ST6GAL1: variants seen among roughly 807,000 people sequenced by gnomAD.
ST6GAL1 encodes the protein beta-galactoside alpha-2,6-sialyltransferase 1.
Under a neutral mutation model 38.0 loss-of-function variants are expected in ST6GAL1, and 20 were observed. The observed-to-expected ratio is 0.53, with a 90% CI of 0.37 to 0.77. ST6GAL1 has a LOEUF of 0.77. Among genes scored for constraint, ST6GAL1 ranks in the 30% least tolerant of loss-of-function variants. The probability of loss-of-function intolerance (pLI) is 0.00; values close to 1 mark genes in which losing one functional copy is unlikely to be tolerated. For missense variants in ST6GAL1, 432 were observed against 496.4 expected, an observed-to-expected ratio of 0.87 and a Z score of 1.23; for synonymous variants, 196 against 188.2, an observed-to-expected ratio of 1.04 and a Z score of -0.34.
At position 186,973,331 on chromosome 3, in the gene ST6GAL1, C is replaced by T. The variant is rs1045338939; in HGVS notation, c.-183+9405C>T. 1.1e-3 allele frequency among the ~76,000 whole-genome samples: 174 copies of T among 152,216 alleles called. 2 individuals are homozygous for T. The highest frequency in any genetic ancestry group is 3.5e-3 in the African/African-American group (146 of 41,456). On this transcript the variant is annotated intron_variant, in intron 2 of 7. Coordinates refer to ENST00000169298, the MANE Select transcript of ST6GAL1 (RefSeq NM_173216.2). ...GATTACAGGCGTGAGCCACTGCGCC[C>T]GGCCCTCTTCTGTTTTCTGAGTCTC... is the stretch of plus-strand genomic sequence containing the variant.
Position 187,078,366 on chromosome 3 carries a change from G to A in ST6GAL1, c.*2563G>A, listed in dbSNP as rs1579393030. 1 of 152,082 alleles carries A rather than the reference G, an allele frequency of 6.6e-6. No homozygotes were observed. The allele number at this position is 152,082 out of a possible 1,614,324, so 9.4% of individuals were successfully genotyped here. A position where few individuals can be genotyped will look rare whatever the true frequency, so the allele number is the denominator to read the frequency against. On this transcript the variant is annotated 3_prime_UTR_variant, in exon 8 of 8. Transcript: ENST00000169298. The stretch of plus-strand genomic sequence containing the variant: ...AGTTAATGCTGCCTGTGTCTATGGG[G>A]TTCTGTCTTCTTTGATAGCCATCTA...
intron 4 of ST6GAL1, among the ~76,000 whole-genome samples, chr3:187,044,219 T>C (rs1401222249): frequency 6.6e-6 from 1 of 152,234 alleles, no homozygotes. Flanking sequence ...CAGAGAGCCT[T>C]ATTTCTCTTA....
chr3:186,947,913 T>C (rs1477654907), intron 1 of ST6GAL1, among the ~76,000 whole-genome samples: 1 of 152,190 alleles, frequency 6.6e-6, no homozygotes, highest in African/African-American at 2.4e-5. Context: ...TCTGTGAAAA[T>C]GTTCACAGTC....
Position 186,954,520 on chromosome 3 carries a change from T to G in ST6GAL1, c.-324-9265T>G, listed in dbSNP as rs141383286. ...TGTTTCACGGCTTTACTAATTGCCA[T>G]TCTGACTGGCATGAGATAGTATCTT... On this transcript the variant is annotated intron_variant, in intron 1 of 7. Transcript: ENST00000169298. Among the ~76,000 whole-genome samples the G allele has an allele frequency of 1.0e-3, 159 of 152,342 alleles. 3 individuals carry two copies. Among genetic ancestry groups the G allele is most frequent in the Non-Finnish European group, 1.2e-3 (85 of 68,024 alleles).
At chr3:186,979,288 G>A (rs78385733) in intron 2 of ST6GAL1, among the ~76,000 whole-genome samples, 278 of 152,248 alleles carry the variant, frequency 1.8e-3, no homozygotes, top group African/African-American at 6.0e-3. Context: ...GTTGACCAGT[G>A]AGCTATGCAC....
intron 5 of ST6GAL1, among the ~76,000 whole-genome samples, chr3:187,063,283 G>T (rs1001451844): frequency 5.3e-5 from 8 of 152,198 alleles, no homozygotes; most frequent in African/African-American, 1.9e-4. Context: ...GAAGGTGCGA[G>T]TGGTGTAGCT....
At chr3:186,979,943 G>C (rs1338328126) in intron 2 of ST6GAL1, among the ~76,000 whole-genome samples, 1 of 152,188 alleles carries the variant, frequency 6.6e-6, no homozygotes, top group African/African-American at 2.4e-5. Context: ...CTATGTGCCA[G>C]GCATTATGCT....
In ST6GAL1 at chr3:186,952,568, G is replaced by A. The variant is rs904693924; in HGVS notation, c.-324-11217G>A. The stretch of plus-strand genomic sequence containing the variant: ...TACCCAGGCTGGAGTGCAGTGGCGC[G>A]ATCTCAGCTCACTGCAACCTCCGCC... On this transcript the variant is annotated intron_variant, in intron 1 of 7. Coordinates refer to ENST00000169298, the MANE Select transcript of ST6GAL1 (RefSeq NM_173216.2). This position sits in a 1 kb window ranked among gnomAD's most constrained non-coding sequence, Gnocchi z 4.1. 2.0e-5 allele frequency among the ~76,000 whole-genome samples: 3 copies of A among 151,858 alleles called. No individual in the cohort carries two copies. The highest frequency in any genetic ancestry group is 3.4e-3 in the Middle Eastern group (1 of 292).
chr3:187,016,606 G>T (rs906691117), intron 2 of ST6GAL1, among the ~76,000 whole-genome samples: 1 of 152,186 alleles, frequency 6.6e-6, no homozygotes, highest in African/African-American at 2.4e-5. Flanking sequence ...GTCCCCCAAA[G>T]AAAAATGTCC....
Position 187,075,536 on chromosome 3 carries a change from T to G in ST6GAL1, c.980-26T>G. On this transcript the variant is annotated intron_variant, in intron 7 of 7. Coordinates refer to ENST00000169298, the MANE Select transcript of ST6GAL1 (RefSeq NM_173216.2). The surrounding 1 kb of genome is among the most constrained non-coding windows in gnomAD (Gnocchi z 4.1). ...GGGTGCTGGGGTGGGTTGTCAGGCA[T>G]GACTCACCTCTGCTCCCCTCTCCAG... is the stretch of plus-strand genomic sequence containing the variant. 1 of 1,609,976 alleles carries G rather than the reference T, an allele frequency of 6.2e-7. No individual in the cohort carries two copies. The highest frequency in any genetic ancestry group is 8.5e-7 in the Non-Finnish European group (1 of 1,176,694).
At chr3:186,935,708 G>C (rs571074183) in intron 1 of ST6GAL1, among the ~76,000 whole-genome samples, 1 of 152,244 alleles carries the variant, frequency 6.6e-6, no homozygotes, top group South Asian at 2.1e-4. Context: ...ACTGGTGTGA[G>C]ACCAGCTTTT....
At chr3:186,962,680 T>G (rs1714972733) in intron 1 of ST6GAL1, among the ~76,000 whole-genome samples, 1 of 152,212 alleles carries the variant, frequency 6.6e-6, no homozygotes. Flanking sequence ...TTCCTAAGAC[T>G]GTGTCCAAAG....
intron 2 of ST6GAL1, among the ~76,000 whole-genome samples, chr3:187,028,070 C>A (rs1717608462): frequency 1.3e-5 from 2 of 152,002 alleles, no homozygotes; most frequent in African/African-American, 4.8e-5. Flanking sequence ...GATGGGGAGG[C>A]CTGGTTGGAG....
intron 2 of ST6GAL1, among the ~76,000 whole-genome samples, chr3:187,004,291 C>G (rs1220253229): frequency 6.6e-6 from 1 of 152,206 alleles, no homozygotes; most frequent in African/African-American, 2.4e-5. Context: ...GTAAATTACC[C>G]AATCTCAGGT....
Position 187,043,297 on chromosome 3 carries a change from A to G in ST6GAL1, c.594A>G (p.Leu198=). ...CGGGATCTCTGAAGTCCTCCCAACT[A>G]GGCAGAGAAATCGGTATGTTCTGGG... is the stretch of plus-strand genomic sequence containing the variant. ...SSAGSLKSSQ[L]GREIDDHDAV... The change falls in exon 4 of 8, where the codon CTA becomes CTG. Residue 198 remains leucine (L), a synonymous_variant. Coordinates refer to ENST00000169298, the MANE Select transcript of ST6GAL1 (RefSeq NM_173216.2). The G allele has an allele frequency of 6.2e-7, 1 of 1,613,462 alleles. No homozygotes were observed. Among genetic ancestry groups the G allele is most frequent in the African/African-American group, 1.3e-5 (1 of 75,008 alleles).
chr3:187,035,044 T>C (rs1717881607), intron 2 of ST6GAL1, among the ~76,000 whole-genome samples: 1 of 152,186 alleles, frequency 6.6e-6, no homozygotes, highest in South Asian at 2.1e-4. Flanking sequence ...AATAAACAAC[T>C]TCAGCAAAGT....
chr3:186,983,249 A>G (rs563218970), intron 2 of ST6GAL1, among the ~76,000 whole-genome samples: 2 of 152,336 alleles, frequency 1.3e-5, no homozygotes, highest in African/African-American at 4.8e-5. Flanking sequence ...AGTGATAATT[A>G]TTACTTGGCA....
chr3:186,987,205 A>G (rs1204608008), intron 2 of ST6GAL1, among the ~76,000 whole-genome samples: 60 of 149,932 alleles, frequency 4.0e-4, no homozygotes, highest in East Asian at 1.2e-3. Context: ...GGAGGGAAGG[A>G]AAGAAAAGGA....
intron 2 of ST6GAL1, among the ~76,000 whole-genome samples, chr3:186,985,129 G>A (rs1171359584): frequency 2.6e-5 from 4 of 151,644 alleles, no homozygotes; most frequent in African/African-American, 9.7e-5. Context: ...GGCTGGTCTC[G>A]AACTCCTGAC....
Sources: gnomAD v4.1 joint callset for allele counts (sites outside exome capture counted in the v4.1 genomes callset) on GRCh38, gnomAD v4.1.1 for gene constraint, Gnocchi (gnomAD v3.1) non-coding constraint, MANE v1.5 for transcripts, NCBI Gene and HGNC (gene_info 2026-07-23, HGNC 2026-07-21) for gene names.